The following FTCDNL1 variants were observed in gnomAD, a reference collection of about 807,000 sequenced individuals.
FTCDNL1 encodes formiminotransferase N-terminal subdomain-containing protein.
In FTCDNL1, 11 loss-of-function variants were observed where a neutral mutation model predicts 5.9. That is an observed-to-expected ratio of 1.87 (90% CI 1.18 to 3.10). The LOEUF is 3.10. FTCDNL1 is among the 30% of genes most tolerant of loss of function. The pLI is 0.00. For synonymous variants in FTCDNL1, 58 were observed against 24.8 expected (o/e 2.34, Z -3.99); for missense variants, 115 against 65.5 (o/e 1.76, Z -2.61).
chr2:199,836,348 T>C (rs1350983004), intron 3 of FTCDNL1, among the ~76,000 whole-genome samples: 1 of 152,070 alleles, frequency 6.6e-6, no homozygotes, highest in African/African-American at 2.4e-5. Flanking sequence ...TTATTTTTAT[T>C]CTTTGTAGAG....
At chr2:199,666,494 C>T in the FTCDNL1 span, among the ~76,000 whole-genome samples, 13 of 152,198 alleles carry the variant, frequency 8.5e-5, no homozygotes, top group Admixed American at 2.6e-4. Context: ...TCTCTCTTGA[C>T]ATCCAACTGT....
At chr2:199,809,245 CT>C (rs200838021), downstream of FTCDNL1, among the ~76,000 whole-genome samples, 290 of 142,308 alleles carry the variant, frequency 2.0e-3, no homozygotes, top group East Asian at 2.0e-3. Context: ...TGAGTTCGGC[CT>C]TTTTTTTTTT....
At chr2:199,694,894 A>C in the FTCDNL1 span, among the ~76,000 whole-genome samples, 2 of 152,288 alleles carry the variant, frequency 1.3e-5, no homozygotes, top group Admixed American at 1.3e-4. Flanking sequence ...TTTATTTCTC[A>C]GTAAGGTCTA....
the FTCDNL1 span, among the ~76,000 whole-genome samples, chr2:199,733,141 T>C: frequency 6.6e-6 from 1 of 152,084 alleles, no homozygotes; most frequent in African/African-American, 2.4e-5. Flanking sequence ...AAGCACAGAA[T>C]GATGGAAAGG....
chr2:199,697,387 T>C, the FTCDNL1 span, among the ~76,000 whole-genome samples: 2 of 150,602 alleles, frequency 1.3e-5, no homozygotes, highest in Non-Finnish European at 3.0e-5. Context: ...AGGGAAAGAG[T>C]AGGTCACCTA....
chr2:199,773,352 G>GGA (rs112746430), intron 3 of FTCDNL1, among the ~76,000 whole-genome samples: 6,923 of 152,162 alleles, frequency 0.045, 274 homozygotes, highest in African/African-American at 0.11. Flanking sequence ...CCCATTCTTA[G>GGA]GAGGGCCACA....
At chr2:199,739,794 C>A in the FTCDNL1 span, among the ~76,000 whole-genome samples, 1 of 152,170 alleles carries the variant, frequency 6.6e-6, no homozygotes, top group Non-Finnish European at 1.5e-5. Flanking sequence ...CCCCGTCATT[C>A]CGTTTTATGG....
chr2:199,739,507 C>G, the FTCDNL1 span, among the ~76,000 whole-genome samples: 1 of 152,220 alleles, frequency 6.6e-6, no homozygotes, highest in East Asian at 1.9e-4. Context: ...GGACAACACA[C>G]TTCTGTTTTG....
chr2:199,821,226 C>T (rs775788452), intron 3 of FTCDNL1, among the ~76,000 whole-genome samples: 10 of 150,050 alleles, frequency 6.7e-5, no homozygotes, highest in Non-Finnish European at 8.9e-5. Flanking sequence ...CTTGGCTCAC[C>T]GCAAACTCCA....
At chr2:199,849,442 AG>A in intron 1 of FTCDNL1, among the ~76,000 whole-genome samples, 1 of 152,356 alleles carries the variant, frequency 6.6e-6, no homozygotes, top group Admixed American at 6.5e-5. Context: ...CAAAAATGAA[AG>A]TGTCTACAGG....
the FTCDNL1 span, among the ~76,000 whole-genome samples, chr2:199,748,467 T>C: frequency 3.3e-5 from 5 of 152,182 alleles, no homozygotes; most frequent in Admixed American, 2.0e-4. Flanking sequence ...CTGCCTTAGT[T>C]AATGATACCA....
chr2:199,811,916 C>T lies in FTCDNL1; in HGVS notation c.*789G>A, dbSNP rs1701058549. 1.3e-5 allele frequency among the ~76,000 whole-genome samples: 2 copies of T among 152,166 alleles called. No homozygotes were observed. The highest frequency in any genetic ancestry group is 2.4e-5 in the African/African-American group (1 of 41,428). On this transcript the variant is annotated 3_prime_UTR_variant, in exon 5 of 5. Transcript: ENST00000420128. Reference sequence around the variant, plus strand: ...CGTACACTGTTCAGTGTCCCAACAGCGACTTACTTGATTGAAATGAAACTC... The same window carrying T: ...CGTACACTGTTCAGTGTCCCAACAGTGACTTACTTGATTGAAATGAAACTC...
chr2:199,817,829 T>C (rs1701444565), intron 4 of FTCDNL1, among the ~76,000 whole-genome samples: 1 of 151,494 alleles, frequency 6.6e-6, no homozygotes, highest in Non-Finnish European at 1.5e-5. Flanking sequence ...AAATAGATAA[T>C]GATGAGGCAG....
chr2:199,761,310 G>T (rs1340687006), intron 3 of FTCDNL1, among the ~76,000 whole-genome samples: 1 of 152,188 alleles, frequency 6.6e-6, no homozygotes, highest in Admixed American at 6.5e-5. Flanking sequence ...GAGGCGATCT[G>T]CCATGGACCT....
chr2:199,711,660 A>G, the FTCDNL1 span, among the ~76,000 whole-genome samples: 1 of 152,164 alleles, frequency 6.6e-6, no homozygotes, highest in Non-Finnish European at 1.5e-5. Context: ...GAAAAATGAA[A>G]TTAAGATTAT....
the FTCDNL1 span, among the ~76,000 whole-genome samples, chr2:199,730,960 T>C: frequency 6.6e-6 from 1 of 152,222 alleles, no homozygotes; most frequent in Non-Finnish European, 1.5e-5. Context: ...CCATCAGTGA[T>C]AGACTGGATA....
Position 199,795,947 on chromosome 2 carries a change from C to T in FTCDNL1, c.212-35112G>A, listed in dbSNP as rs115343457. The stretch of plus-strand genomic sequence containing the variant: ...TGTCTATAACATTTTCTGCCACCAC[C>T]AAGTTTTAGATACTTAGTACATGCT... On this transcript the variant is annotated intron_variant, in intron 3 of 3. Transcript: ENST00000416668. Among the ~76,000 whole-genome samples, 554 of 152,148 alleles carry T rather than the reference C, an allele frequency of 3.6e-3. 4 individuals carry two copies. Among genetic ancestry groups the T allele is most frequent in the African/African-American group, 0.013 (524 of 41,522 alleles).
At chr2:199,818,331 CT>C (rs1701476179) in intron 4 of FTCDNL1, 1 of 152,176 alleles carries the variant, frequency 6.6e-6, no homozygotes, top group Non-Finnish European at 1.5e-5. Flanking sequence ...CAGTCTCTTC[CT>C]TTTTTCTATG....
the FTCDNL1 span, among the ~76,000 whole-genome samples, chr2:199,689,377 G>A: frequency 2.0e-5 from 3 of 152,176 alleles, no homozygotes; most frequent in African/African-American, 7.2e-5. Flanking sequence ...CATAATGACG[G>A]CCTTGAAAGG....
Sources: allele counts gnomAD v4.1 joint callset (sites outside exome capture counted in the v4.1 genomes callset), GRCh38; gene constraint gnomAD v4.1.1; transcripts MANE v1.5; gene names NCBI Gene and HGNC (gene_info 2026-07-23, HGNC 2026-07-21).